NTRK3: variants seen among roughly 807,000 people sequenced by gnomAD.
The protein encoded by NTRK3 is neurotrophic receptor tyrosine kinase 3.
In NTRK3, 24 loss-of-function variants were observed where a neutral mutation model predicts 91.7. The ratio of observed to expected loss-of-function variants is 0.26; its 90% confidence interval spans 0.19 to 0.37. The LOEUF is 0.37. Among genes scored for constraint, NTRK3 ranks in the 10% least tolerant of loss-of-function variants. The pLI is 1.00. For missense variants in NTRK3, 880 were observed against 1,068.9 expected (o/e 0.82, Z 2.46); for synonymous variants, 483 against 404.0 (o/e 1.20, Z -2.34).
rs141052333 is a variant in NTRK3 at position 88,051,571 on chromosome 15, G to T, written c.1397-18526C>A. ...TGTTAACTAATGCCATCTTGGTCAT[G>T]CCTCTTAAACTAAGTATTTGTTTCC... On this transcript the variant is annotated intron_variant, in intron 13 of 18. Coordinates refer to ENST00000394480, the Ensembl canonical transcript of NTRK3. 4.8e-3 allele frequency among the ~76,000 whole-genome samples: 732 copies of T among 152,308 alleles called. 4 individuals are homozygous for T. Among genetic ancestry groups the T allele is most frequent in the Non-Finnish European group, 7.4e-3 (502 of 68,024 alleles).
At chr15:88,005,196 C>G (rs914315439) in intron 14 of NTRK3, among the ~76,000 whole-genome samples, 3 of 152,186 alleles carry the variant, frequency 2.0e-5, no homozygotes, top group African/African-American at 7.2e-5. Flanking sequence ...TCTGGACACA[C>G]CCTGGTGCTG....
chr15:87,890,084 G>T (rs1019464007), intron 17 of NTRK3, among the ~76,000 whole-genome samples: 12 of 151,602 alleles, frequency 7.9e-5, no homozygotes, highest in Non-Finnish European at 1.6e-4. Flanking sequence ...TCTACCTGCC[G>T]CATTTCCTAT....
chr15:88,068,487 G>C (rs1437661570), intron 13 of NTRK3, among the ~76,000 whole-genome samples: 5 of 152,056 alleles, frequency 3.3e-5, no homozygotes, highest in African/African-American at 1.2e-4. Flanking sequence ...TTTAGAAAAA[G>C]GAATACTTTG....
intron 13 of NTRK3, among the ~76,000 whole-genome samples, chr15:88,114,851 T>C (rs1490413871): frequency 6.6e-6 from 1 of 152,258 alleles, no homozygotes; most frequent in East Asian, 1.9e-4. Flanking sequence ...ATTAAATACC[T>C]ACTTTTAAAA....
intron 17 of NTRK3, among the ~76,000 whole-genome samples, chr15:87,894,172 C>T (rs1001879723): frequency 1.3e-5 from 2 of 152,314 alleles, no homozygotes; most frequent in African/African-American, 4.8e-5. Context: ...AGTCTGGTTT[C>T]CCACATGCCC....
chr15:87,889,912 T>G (rs2065761607), intron 17 of NTRK3, among the ~76,000 whole-genome samples: 2 of 152,034 alleles, frequency 1.3e-5, no homozygotes, highest in African/African-American at 4.8e-5. Context: ...GGTCTTAATC[T>G]ATAGGATTCC....
At chr15:88,190,089 C>T (rs917008366) in intron 3 of NTRK3, among the ~76,000 whole-genome samples, 3 of 152,086 alleles carry the variant, frequency 2.0e-5, no homozygotes, top group African/African-American at 7.2e-5. Context: ...GGAACTCGGT[C>T]GGTGGGACTT....
At chr15:87,875,219 C>G (rs551697355) in exon 19 of NTRK3, 1 of 230,900 alleles carries the variant, frequency 4.3e-6, no homozygotes, top group South Asian at 1.8e-4. Context: ...TCCAGTGTGG[C>G]AAAGGTCAGT....
chr15:88,081,427 TGACC>T (rs1452333268), intron 13 of NTRK3, among the ~76,000 whole-genome samples: 2 of 152,224 alleles, frequency 1.3e-5, no homozygotes, highest in Non-Finnish European at 2.9e-5. Context: ...TCAATCCCAC[TGACC>T]GACCATGTTT....
intron 10 of NTRK3, among the ~76,000 whole-genome samples, chr15:88,131,069 A>G (rs1390456925): frequency 6.6e-6 from 1 of 152,256 alleles, no homozygotes; most frequent in Non-Finnish European, 1.5e-5. Flanking sequence ...ATTAAAAAGA[A>G]ACACAGATTA....
intron 13 of NTRK3, among the ~76,000 whole-genome samples, chr15:88,093,592 T>G (rs2049256340): frequency 6.6e-6 from 1 of 152,208 alleles, no homozygotes; most frequent in Non-Finnish European, 1.5e-5. Flanking sequence ...AGTCATGTTA[T>G]TTCTGCCATA....
intron 17 of NTRK3, chr15:87,928,301 C>T (rs2141899725): frequency 6.6e-6 from 1 of 152,236 alleles, no homozygotes; most frequent in South Asian, 2.1e-4. Context: ...TATTTTTTAG[C>T]AATCTGCCCT....
At chr15:88,217,840 G>A (rs2049922058) in intron 3 of NTRK3, among the ~76,000 whole-genome samples, 1 of 149,868 alleles carries the variant, frequency 6.7e-6, no homozygotes, top group African/African-American at 2.5e-5. Flanking sequence ...CTCACTGCAA[G>A]CTCCGCCTCC....
intron 5 of NTRK3, among the ~76,000 whole-genome samples, chr15:88,156,349 G>T (rs1259603498): frequency 6.6e-6 from 1 of 152,180 alleles, no homozygotes; most frequent in African/African-American, 2.4e-5. Flanking sequence ...GACTCTTCCA[G>T]AATGCTTGGC....
At chr15:88,242,905 T>C (rs1567707346) in intron 3 of NTRK3, among the ~76,000 whole-genome samples, 1 of 152,368 alleles carries the variant, frequency 6.6e-6, no homozygotes, top group East Asian at 1.9e-4. Flanking sequence ...CTGTCTGTTA[T>C]GCACTTGGAA....
At chr15:87,875,757 C>G (rs1406373687) in exon 19 of NTRK3, 1 of 232,942 alleles carries the variant, frequency 4.3e-6, no homozygotes. Context: ...GCTGCAGCCT[C>G]TCACTAGACC....
chr15:88,063,107 T>C (rs1225299491), intron 13 of NTRK3, among the ~76,000 whole-genome samples: 1 of 152,200 alleles, frequency 6.6e-6, no homozygotes, highest in East Asian at 1.9e-4. Flanking sequence ...ACTCAGCTCA[T>C]CTATAAACCT....
At chr15:87,904,640 G>A (rs2141679350) in intron 17 of NTRK3, among the ~76,000 whole-genome samples, 1 of 152,306 alleles carries the variant, frequency 6.6e-6, no homozygotes, top group African/African-American at 2.4e-5. Context: ...TAAGGCATGG[G>A]TATTATTCTT....
At chr15:88,200,177 T>C (rs1292809024) in intron 3 of NTRK3, among the ~76,000 whole-genome samples, 3 of 152,216 alleles carry the variant, frequency 2.0e-5, no homozygotes, top group Admixed American at 6.5e-5. Context: ...AAGGACTCAA[T>C]GGCCAGAAGC....
Sources: gnomAD v4.1 joint callset for allele counts (sites outside exome capture counted in the v4.1 genomes callset) on GRCh38, gnomAD v4.1.1 for gene constraint, MANE v1.5 for transcripts, NCBI Gene and HGNC (gene_info 2026-07-23, HGNC 2026-07-21) for gene names.